BBIP1: variants seen among roughly 807,000 people sequenced by gnomAD.
BBIP1 encodes BBSome interacting protein 1.
BBIP1 carries 6 observed loss-of-function variants against 8.9 expected under a neutral mutation model. That is an observed-to-expected ratio of 0.67 (90% CI 0.37 to 1.33). The LOEUF (loss-of-function observed/expected upper bound fraction) is 1.33, where lower values mean the gene tolerates loss of function less well. Among genes scored for constraint, BBIP1 ranks in the 40% most tolerant of loss-of-function variants. BBIP1 has a pLI of 0.02. For synonymous variants in BBIP1, 32 were observed against 33.4 expected, an observed-to-expected ratio of 0.96 and a Z score of 0.14; for missense variants, 111 against 109.2, an observed-to-expected ratio of 1.02 and a Z score of -0.07.
intron 2 of BBIP1, among the ~76,000 whole-genome samples, chr10:110,915,735 G>A (rs558218487): frequency 6.6e-6 from 1 of 151,718 alleles, no homozygotes. Context: ...ACAGGGTCTC[G>A]CTCTGTTGCC....
intron 2 of BBIP1, chr10:110,907,527 A>AG (rs1284364481): frequency 6.0e-6 from 3 of 496,580 alleles, no homozygotes; most frequent in Non-Finnish European, 1.1e-5. Context: ...AAAAAAAAAA[A>AG]AAAGAAAAGA....
intron 2 of BBIP1, chr10:110,902,974 G>C (rs1846041733): frequency 6.6e-6 from 1 of 150,740 alleles, no homozygotes. Context: ...CAGACCCCCT[G>C]ATTAGCCTTG....
At chr10:110,906,870 T>G (rs931192344) in intron 2 of BBIP1, 2 of 152,248 alleles carry the variant, frequency 1.3e-5, no homozygotes, top group Admixed American at 1.3e-4. Context: ...CTATTCTTCA[T>G]TTTTGTAGAT....
At chr10:110,911,067 A>G (rs1343724270) in intron 2 of BBIP1, 1 of 152,214 alleles carries the variant, frequency 6.6e-6, no homozygotes, top group Non-Finnish European at 1.5e-5. Flanking sequence ...CAATGGCATC[A>G]ACTTGAGATG....
chr10:110,905,681 T>A (rs1413462004), intron 2 of BBIP1, among the ~76,000 whole-genome samples: 2 of 152,242 alleles, frequency 1.3e-5, no homozygotes, highest in Admixed American at 1.3e-4. Context: ...GAGAATGTAT[T>A]ATTAGTGGTC....
chr10:110,907,564 G>C (rs1465424890), intron 2 of BBIP1: 3 of 475,670 alleles, frequency 6.3e-6, no homozygotes, highest in Non-Finnish European at 1.1e-5. Context: ...TGAAAGAGGA[G>C]ACAGGAAATG....
intron 2 of BBIP1, among the ~76,000 whole-genome samples, chr10:110,909,328 G>A (rs1645052684): frequency 6.6e-6 from 1 of 151,998 alleles, no homozygotes; most frequent in South Asian, 2.1e-4. Context: ...CTCCTGAGTT[G>A]GGATTACAGG....
intron 2 of BBIP1, among the ~76,000 whole-genome samples, chr10:110,914,071 T>G (rs1846336672): frequency 1.3e-5 from 2 of 152,200 alleles, no homozygotes; most frequent in South Asian, 4.1e-4. Flanking sequence ...TCCTACCACC[T>G]ATTGTTTCCT....
chr10:110,915,645 T>TTA (rs1414145227), intron 2 of BBIP1, among the ~76,000 whole-genome samples: 10 of 152,276 alleles, frequency 6.6e-5, no homozygotes, highest in Admixed American at 5.2e-4. Context: ...GTAAAGCACT[T>TTA]TATATATATT....
At chr10:110,901,135 G>T (rs942815254) in intron 3 of BBIP1, 10 of 455,294 alleles carry the variant, frequency 2.2e-5, no homozygotes, top group African/African-American at 6.0e-5. Flanking sequence ...ACAAAAATAA[G>T]AACAAATTAG....
intron 2 of BBIP1, among the ~76,000 whole-genome samples, chr10:110,912,814 T>G (rs973437600): frequency 6.6e-6 from 1 of 152,210 alleles, no homozygotes; most frequent in African/African-American, 2.4e-5. Context: ...ATGTGCCTAC[T>G]ACTCCTAACC....
At chr10:110,918,062 G>A (rs1034557512) in intron 2 of BBIP1, 59 bp downstream of exon 2, 5 of 1,419,254 alleles carry the variant, frequency 3.5e-6, no homozygotes, top group African/African-American at 2.8e-5. Context: ...ATTAAGTCGA[G>A]AAGGTAGGTT....
Position 110,900,164 on chromosome 10 carries a change from CTGTTTA to C in BBIP1, c.*190_*195del. The C allele has an allele frequency of 2.0e-6, 1 of 493,340 alleles. No homozygotes were observed. The highest frequency in any genetic ancestry group is 2.0e-5 in the African/African-American group (1 of 50,032). The allele number at this position is 493,340 out of a possible 1,614,324, so 30.6% of individuals were successfully genotyped here. ...CCATAAAACTTGGTTCATAGTTTAA[CTGTTTA>C]TGTTCAATACAAACCAGAGTGTTTA... On this transcript the variant is annotated 3_prime_UTR_variant, in exon 4 of 4. Coordinates refer to ENST00000448814, the MANE Select transcript of BBIP1 (RefSeq NM_001195305.3).
At chr10:110,918,481 G>T (rs967428691) in intron 1 of BBIP1, among the ~76,000 whole-genome samples, 1 of 152,214 alleles carries the variant, frequency 6.6e-6, no homozygotes, top group Non-Finnish European at 1.5e-5. Context: ...GGTGGAAAAT[G>T]ATTTTCTGAA....
intron 2 of BBIP1, among the ~76,000 whole-genome samples, chr10:110,917,075 G>A (rs919978714): frequency 1.3e-5 from 2 of 152,072 alleles, no homozygotes; most frequent in African/African-American, 4.8e-5. Context: ...GAAAAAAGAG[G>A]GGCCCATTTC....
chr10:110,900,281 C>T lies in BBIP1; in HGVS notation c.*79G>A. ...TTTTATTGATAACACATACTACTTT[C>T]AGCACACAGAAGCATATTTTCTAGT... On this transcript the variant is annotated 3_prime_UTR_variant, in exon 4 of 4. Transcript: ENST00000448814. 7.7e-7 allele frequency: 1 copy of T among 1,297,728 alleles called. No individual in the cohort carries two copies. Among genetic ancestry groups the T allele is most frequent in the Non-Finnish European group, 1.0e-6 (1 of 971,262 alleles). The allele number at this position is 1,297,728 out of a possible 1,614,324, so 80.4% of individuals were successfully genotyped here.
chr10:110,917,194 ATT>A (rs67066048), intron 2 of BBIP1, among the ~76,000 whole-genome samples: 11 of 107,970 alleles, frequency 1.0e-4, no homozygotes, highest in Middle Eastern at 4.9e-3. Context: ...CTGGATCCTG[ATT>A]TTTTTTTTTT....
chr10:110,905,114 G>T (rs1340961290), intron 2 of BBIP1, among the ~76,000 whole-genome samples: 3 of 152,180 alleles, frequency 2.0e-5, no homozygotes, highest in Non-Finnish European at 2.9e-5. Context: ...GTAGCTATTT[G>T]AGCTGGATGT....
At chr10:110,911,109 G>C (rs1341288232) in intron 2 of BBIP1, 1 of 152,126 alleles carries the variant, frequency 6.6e-6, no homozygotes. Flanking sequence ...TTCATATAAA[G>C]CCATTAGACC....
Sources: allele counts gnomAD v4.1 joint callset (sites outside exome capture counted in the v4.1 genomes callset), GRCh38; gene constraint gnomAD v4.1.1; transcripts MANE v1.5; gene names NCBI Gene and HGNC (gene_info 2026-07-23, HGNC 2026-07-21).